The following GNB4 variants were observed in gnomAD, a reference collection of about 807,000 sequenced individuals.
GNB4 encodes guanine nucleotide-binding protein subunit beta-4.
GNB4 carries 28 observed loss-of-function variants against 45.2 expected under a neutral mutation model. That is an observed-to-expected ratio of 0.62 (90% CI 0.46 to 0.85). The LOEUF (loss-of-function observed/expected upper bound fraction) is 0.85. GNB4 is among the 40% of genes least tolerant of loss of function. GNB4 has a pLI of 0.00. For missense variants in GNB4, 321 were observed against 425.4 expected, an observed-to-expected ratio of 0.75 and a Z score of 2.16; for synonymous variants, 132 against 143.7, an observed-to-expected ratio of 0.92 and a Z score of 0.58.
At chr3:179,409,714 G>A (rs1377150873) in intron 8 of GNB4, among the ~76,000 whole-genome samples, 2 of 151,338 alleles carry the variant, frequency 1.3e-5, no homozygotes, top group African/African-American at 4.9e-5. Context: ...GAAGGCTGAG[G>A]CAGGAGAATT....
intron 4 of GNB4, 34 bp from the exon 5 acceptor site, chr3:179,416,590 TAGAG>T (rs1382524440): frequency 1.4e-6 from 2 of 1,388,254 alleles, no homozygotes; most frequent in East Asian, 2.4e-5. Context: ...ATTTGACACT[TAGAG>T]GGAAAAAATA....
At position 179,444,586 on chromosome 3, in the gene GNB4, C is replaced by T. The variant is rs543573210; in HGVS notation, c.-43+6760G>A. Among the ~76,000 whole-genome samples the T allele has an allele frequency of 4.6e-5, 7 of 152,122 alleles. No individual in the cohort carries two copies. The East Asian group carries it at 1.4e-3, about 29-fold the overall frequency. On this transcript the variant is annotated intron_variant, in intron 1 of 9. Transcript: ENST00000232564. ...AGTTTCATCGGCACGGTGGCATGCACCTATAGTCCCAGATACTTAAGAGGC... is the reference window on the plus strand; with the variant it reads ...AGTTTCATCGGCACGGTGGCATGCATCTATAGTCCCAGATACTTAAGAGGC...
At chr3:179,513,124 G>A in the GNB4 span, among the ~76,000 whole-genome samples, 53 of 148,796 alleles carry the variant, frequency 3.6e-4, no homozygotes, top group Admixed American at 6.1e-4. Flanking sequence ...AAGATGGGTT[G>A]TATTACATAT....
the GNB4 span, among the ~76,000 whole-genome samples, chr3:179,518,387 C>A: frequency 6.6e-6 from 1 of 152,124 alleles, no homozygotes; most frequent in African/African-American, 2.4e-5. Context: ...CCCAATGCAA[C>A]TCGTCCCAAA....
chr3:179,479,245 A>G, the GNB4 span, among the ~76,000 whole-genome samples: 2 of 152,188 alleles, frequency 1.3e-5, no homozygotes, highest in South Asian at 4.1e-4. Flanking sequence ...TCGAATATAC[A>G]AGACACCAAG....
rs539973655 is a variant in GNB4 at position 179,429,397 on chromosome 3, CTT to C, written c.-42-3157_-42-3156del. ...GCTACTCACCGTTGAGTAATAAAAT[CTT>C]TTGTCTCTGACCAAGGAGTTTCATC... On this transcript the variant is annotated intron_variant, in intron 1 of 9. Coordinates refer to ENST00000232564, the MANE Select transcript of GNB4 (RefSeq NM_021629.4). Among the ~76,000 whole-genome samples, 13 of 152,296 alleles carry C rather than the reference CTT, an allele frequency of 8.5e-5. No individual in the cohort carries two copies. In the South Asian group the frequency reaches 2.7e-3, roughly 32 times the overall value.
At chr3:179,514,621 C>G in the GNB4 span, among the ~76,000 whole-genome samples, 1 of 152,164 alleles carries the variant, frequency 6.6e-6, no homozygotes, top group Admixed American at 6.5e-5. Flanking sequence ...GTGCCCTAAT[C>G]TAATAGGACT....
At chr3:179,436,304 C>T (rs1454228400) in intron 1 of GNB4, among the ~76,000 whole-genome samples, 4 of 152,100 alleles carry the variant, frequency 2.6e-5, no homozygotes, top group East Asian at 1.9e-4. Flanking sequence ...GCAGGAGAAT[C>T]GCTTGAATCC....
intron 2 of GNB4, among the ~76,000 whole-genome samples, 160 bp from the exon 3 acceptor site, chr3:179,421,087 C>T (rs1447252897): frequency 6.6e-6 from 1 of 152,058 alleles, no homozygotes; most frequent in Admixed American, 6.5e-5. Flanking sequence ...TAAATCAAAC[C>T]ATTTTAACCA....
Position 179,426,185 on chromosome 3 carries a change from G to C in GNB4, c.16C>G (p.Gln6Glu), listed in dbSNP as rs1163990709. 4 of 1,598,256 alleles carry C rather than the reference G, an allele frequency of 2.5e-6. No individual in the cohort carries two copies. The highest frequency in any genetic ancestry group is 3.4e-6 in the Non-Finnish European group (4 of 1,176,484). Reference sequence around the variant, plus strand: ...AGTTGTTCTGCTTCTTGCCTCAACTGTTCCAGTTCGCTCATTTTTTCAATT... The same window carrying C: ...AGTTGTTCTGCTTCTTGCCTCAACTCTTCCAGTTCGCTCATTTTTTCAATT... MSELE[Q>E]LRQEAEQLRN... Residue 6 changes from glutamine to glutamate, a missense_variant, in exon 2 of 10, where the codon CAG (glutamine) becomes GAG (glutamate). Coordinates refer to ENST00000232564, the MANE Select transcript of GNB4 (RefSeq NM_021629.4).
At chr3:179,520,948 G>A in the GNB4 span, among the ~76,000 whole-genome samples, 7 of 152,048 alleles carry the variant, frequency 4.6e-5, no homozygotes, top group Middle Eastern at 3.4e-3. Flanking sequence ...CCTTTCCATC[G>A]TGGAAATCTA....
At chr3:179,412,581 TA>T (rs2108588227) in intron 8 of GNB4, among the ~76,000 whole-genome samples, 1 of 152,288 alleles carries the variant, frequency 6.6e-6, no homozygotes, top group East Asian at 1.9e-4. Flanking sequence ...ATCCCTATTT[TA>T]AAAACTGAAG....
chr3:179,402,805 G>T (rs1477725314), intron 9 of GNB4, among the ~76,000 whole-genome samples: 1 of 152,196 alleles, frequency 6.6e-6, no homozygotes, highest in Non-Finnish European at 1.5e-5. Context: ...ATAAGATTGT[G>T]CTGGAAAGTG....
rs1460767175 is a variant in GNB4, at chr3:179,396,923, CT to C, written c.*4289del. The stretch of plus-strand genomic sequence containing the variant: ...AAATGTACTTCACATTCTACTTAAT[CT>C]AATTTAAAATATAAATTCATTGTGC... On this transcript the variant is annotated 3_prime_UTR_variant, in exon 10 of 10. Transcript: ENST00000232564. The C allele has an allele frequency of 1.3e-5, 2 of 152,114 alleles. No homozygotes were observed. The highest frequency in any genetic ancestry group is 2.9e-5 in the Non-Finnish European group (2 of 68,040). 9.4% of individuals were successfully genotyped at this position (152,114 alleles called of 1,614,324 possible). A position where few individuals can be genotyped will look rare whatever the true frequency, so the allele number is the denominator to read the frequency against.
At chr3:179,475,554 T>G in the GNB4 span, among the ~76,000 whole-genome samples, 4 of 151,834 alleles carry the variant, frequency 2.6e-5, no homozygotes, top group Admixed American at 2.0e-4. Flanking sequence ...CTCACTGCAA[T>G]CTCTGCCTCC....
intron 1 of GNB4, among the ~76,000 whole-genome samples, chr3:179,436,285 G>C: frequency 6.6e-6 from 1 of 152,176 alleles, no homozygotes; most frequent in Non-Finnish European, 1.5e-5. Flanking sequence ...AGCTACTCCA[G>C]AGGCTGAGGC....
At chr3:179,464,417 C>A in the GNB4 span, 1 of 1,416,946 alleles carries the variant, frequency 7.1e-7, no homozygotes, top group Non-Finnish European at 9.9e-7. Context: ...GCTCCCTCTG[C>A]CCTCGCCCCT....
At chr3:179,441,136 C>T (rs987570500) in intron 1 of GNB4, among the ~76,000 whole-genome samples, 1 of 152,202 alleles carries the variant, frequency 6.6e-6, no homozygotes, top group Admixed American at 6.5e-5. Context: ...CACAGAAACC[C>T]ACCCCATCAG....
At chr3:179,466,041 C>T in the GNB4 span, among the ~76,000 whole-genome samples, 4 of 139,936 alleles carry the variant, frequency 2.9e-5, no homozygotes, top group Admixed American at 7.3e-5. Context: ...GATTGAGTCT[C>T]GCTCTGTTGC....
Sources: allele counts gnomAD v4.1 joint callset (sites outside exome capture counted in the v4.1 genomes callset), GRCh38; gene constraint gnomAD v4.1.1; transcripts MANE v1.5; gene names NCBI Gene and HGNC (gene_info 2026-07-23, HGNC 2026-07-21).